Variants in FNDC10 observed in about 807,000 individuals in gnomAD.
FNDC10 encodes fibronectin type III domain containing 10.
FNDC10 carries 8 observed loss-of-function variants against 11.6 expected under a neutral mutation model. The ratio of observed to expected loss-of-function variants is 0.69; its 90% confidence interval spans 0.41 to 1.25. The LOEUF is 1.25. Ranked by LOEUF, FNDC10 falls within the 50% of genes most tolerant of loss-of-function variation. The pLI is 0.01. For missense variants in FNDC10, 308 were observed against 330.2 expected (o/e 0.93, Z 0.52); for synonymous variants, 187 against 162.9 (o/e 1.15, Z -1.12).
rs1427749673 is a variant in FNDC10 at position 1,599,717 on chromosome 1, G to C, written c.299C>G (p.Ala100Gly). Residue 100 changes from alanine to glycine, a missense_variant, in exon 1 of 1, where the codon GCG becomes GGG. Ala to Gly is a moderately conservative substitution (Grantham distance 60). Transcript: ENST00000422725. The surrounding 1 kb of genome is among the most constrained non-coding windows in gnomAD (Gnocchi z 6.7). The stretch of plus-strand genomic sequence containing the variant: ...GAGCGCGAAGGCGCGCACGCGGCGC[G>C]CGGCGGCCGGGGCCAGGCGCCACTG... ...LLQWRLAPAAARRVRAFALNC... is the reference protein window; with the variant it reads ...LLQWRLAPAAGRRVRAFALNC... The C allele has an allele frequency of 7.5e-7, 1 of 1,335,656 alleles. No individual in the cohort carries two copies. Among genetic ancestry groups the C allele is most frequent in the Non-Finnish European group, 9.5e-7 (1 of 1,051,458 alleles). 82.7% of individuals were successfully genotyped at this position (1,335,656 alleles called of 1,614,324 possible). A position where few individuals can be genotyped will look rare whatever the true frequency, so the allele number is the denominator to read the frequency against.
rs1643078582 is a variant in FNDC10 at position 1,598,966 on chromosome 1, G to T, written c.*369C>A. The T allele has an allele frequency of 7.3e-6, 2 of 272,918 alleles. No homozygotes were observed. The highest frequency in any genetic ancestry group is 1.4e-5 in the Non-Finnish European group (2 of 145,844). 16.9% of individuals were successfully genotyped at this position (272,918 alleles called of 1,614,324 possible). On this transcript the variant is annotated 3_prime_UTR_variant, in exon 1 of 1. Coordinates refer to ENST00000422725, the MANE Select transcript of FNDC10 (RefSeq NM_001242659.2). ...AGCACAGTGACCGAGCAATGGCGAC[G>T]GTCTGTCTGGGACAATTCGGCACAG...
chr1:1,599,964 A>G lies in FNDC10; in HGVS notation c.52T>C (p.Cys18Arg). 2 of 983,266 alleles carry G rather than the reference A, an allele frequency of 2.0e-6. No individual in the cohort carries two copies. The highest frequency in any genetic ancestry group is 2.4e-6 in the Non-Finnish European group (2 of 830,410). 60.9% of individuals were successfully genotyped at this position (983,266 alleles called of 1,614,324 possible). A position where few individuals can be genotyped will look rare whatever the true frequency, so the allele number is the denominator to read the frequency against. ...LLLAACAPPP[C>R]AAAAPTPPGW... ...GGCGGCGTCGGGGCGGCCGCGGCGC[A>G]GGGCGGCGGCGCGCAGGCGGCCAGC... Residue 18 changes from cysteine to arginine, a missense_variant, in exon 1 of 1, where the codon TGC becomes CGC. By Grantham distance (180) the Cys-to-Arg change is radical. Transcript: ENST00000422725. This position sits in a 1 kb window ranked among gnomAD's most constrained non-coding sequence, Gnocchi z 6.7.
chr1:1,599,656 C>A lies in FNDC10; in HGVS notation c.360G>T (p.Pro120=). Residue 120 remains proline (P), a synonymous_variant, in exon 1 of 1, where the codon CCG becomes CCT. Transcript: ENST00000422725. This position sits in a 1 kb window ranked among gnomAD's most constrained non-coding sequence, Gnocchi z 6.7. ...CSWRGAYTRF[P]CERVLLGASC... is the part of the protein sequence containing the mutation. The stretch of plus-strand genomic sequence containing the variant: ...AGGCCCCGAGGAGCACGCGCTCGCA[C>A]GGGAAGCGCGTGTAGGCGCCGCGCC... The A allele has an allele frequency of 6.8e-7, 1 of 1,461,754 alleles. No individual in the cohort carries two copies. The highest frequency in any genetic ancestry group is 9.0e-7 in the Non-Finnish European group (1 of 1,110,816). The allele number at this position is 1,461,754 out of a possible 1,614,324, so 90.5% of individuals were successfully genotyped here.
chr1:1,599,735 C>T lies in FNDC10; in HGVS notation c.281G>A (p.Arg94His), dbSNP rs1244394942. Residue 94 changes from arginine (R) to histidine (H), a missense_variant, in exon 1 of 1, where the codon CGC (arginine) becomes CAC (histidine). Coordinates refer to ENST00000422725, the MANE Select transcript of FNDC10 (RefSeq NM_001242659.2). This position sits in a 1 kb window ranked among gnomAD's most constrained non-coding sequence, Gnocchi z 6.7. ...GCGGCGCGCGGCGGCCGGGGCCAGG[C>T]GCCACTGCAGGAGGACGCTGCGGTT... Reference protein sequence around the residue: ...LRNRSVLLQWRLAPAAARRVR... With the variant: ...LRNRSVLLQWHLAPAAARRVR... The T allele has an allele frequency of 8.3e-6, 11 of 1,321,310 alleles. No homozygotes were observed. The highest frequency in any genetic ancestry group is 1.1e-5 in the Non-Finnish European group (11 of 1,043,278). The allele number at this position is 1,321,310 out of a possible 1,614,324, so 81.8% of individuals were successfully genotyped here. A position where few individuals can be genotyped will look rare whatever the true frequency, so the allele number is the denominator to read the frequency against.
In FNDC10 at chr1:1,600,098, C is replaced by A. The variant is rs1180658190; in HGVS notation, c.-83G>T. 15 of 681,948 alleles carry A rather than the reference C, an allele frequency of 2.2e-5. No individual in the cohort carries two copies. The highest frequency in any genetic ancestry group is 2.7e-5 in the Non-Finnish European group (15 of 556,226). 42.2% of individuals were successfully genotyped at this position (681,948 alleles called of 1,614,324 possible). A position where few individuals can be genotyped will look rare whatever the true frequency, so the allele number is the denominator to read the frequency against. ...CCCGCTGCCCGCTCCCCGCGATCCC[C>A]GGCGCGCCGCGCCCTCCGCCGCCGC... is the stretch of plus-strand genomic sequence containing the variant. On this transcript the variant is annotated 5_prime_UTR_variant, in exon 1 of 1. Transcript: ENST00000422725.
chr1:1,598,828 G>A lies in FNDC10; in HGVS notation c.*507C>T, dbSNP rs1643077059. Reference sequence around the variant, plus strand: ...GGCCACAGACCCCCCCTGGACAGCAGAGGGTGTTGGCTCCTGCAGTGGGCC... The same window carrying A: ...GGCCACAGACCCCCCCTGGACAGCAAAGGGTGTTGGCTCCTGCAGTGGGCC... On this transcript the variant is annotated 3_prime_UTR_variant, in exon 1 of 1. Transcript: ENST00000422725. 6.4e-6 allele frequency: 1 copy of A among 157,318 alleles called. No individual in the cohort carries two copies. The highest frequency in any genetic ancestry group is 1.9e-4 in the South Asian group (1 of 5,272). The allele number at this position is 157,318 out of a possible 1,614,324, so 9.7% of individuals were successfully genotyped here.
rs1224973635 is a variant in FNDC10 at position 1,598,084 on chromosome 1, C to G, written c.*1251G>C. On this transcript the variant is annotated 3_prime_UTR_variant, in exon 1 of 1. Coordinates refer to ENST00000422725, the MANE Select transcript of FNDC10 (RefSeq NM_001242659.2). ...CTGACCGGCGCCACGCAGGGGTGGG[C>G]GGAGCAAAGACACACAGGTGGGCTA... 2 of 152,340 alleles carry G rather than the reference C, an allele frequency of 1.3e-5. No homozygotes were observed. Among genetic ancestry groups the G allele is most frequent in the Non-Finnish European group, 2.9e-5 (2 of 68,148 alleles). The allele number at this position is 152,340 out of a possible 1,614,324, so 9.4% of individuals were successfully genotyped here.
In FNDC10 at chr1:1,599,178, G is replaced by A. The variant is rs1218239512; in HGVS notation, c.*157C>T. ...TCTGACGCCCGGCTGGAAAGGGCGT[G>A]TGATGATGCCAAAGTGCCGGAGCCG... On this transcript the variant is annotated 3_prime_UTR_variant, in exon 1 of 1. Coordinates refer to ENST00000422725, the MANE Select transcript of FNDC10 (RefSeq NM_001242659.2). This position sits in a 1 kb window ranked among gnomAD's most constrained non-coding sequence, Gnocchi z 6.7. 1 of 693,778 alleles carries A rather than the reference G, an allele frequency of 1.4e-6. No homozygotes were observed. Among genetic ancestry groups the A allele is most frequent in the African/African-American group, 1.9e-5 (1 of 53,010 alleles). The allele number at this position is 693,778 out of a possible 1,614,324, so 43.0% of individuals were successfully genotyped here.
At position 1,599,324 on chromosome 1, in the gene FNDC10, G is replaced by T; in HGVS notation, c.*11C>A. On this transcript the variant is annotated 3_prime_UTR_variant, in exon 1 of 1. Transcript: ENST00000422725. This position sits in a 1 kb window ranked among gnomAD's most constrained non-coding sequence, Gnocchi z 6.7. ...GCAGGTGGCGCAAAGATGGGCGGGC[G>T]GCCTCGCGCTTCAGGGGTGTCTGCG... is the stretch of plus-strand genomic sequence containing the variant. 6.8e-7 allele frequency: 1 copy of T among 1,471,736 alleles called. No homozygotes were observed. Among genetic ancestry groups the T allele is most frequent in the Non-Finnish European group, 8.9e-7 (1 of 1,118,144 alleles). 91.2% of individuals were successfully genotyped at this position (1,471,736 alleles called of 1,614,324 possible). A position where few individuals can be genotyped will look rare whatever the true frequency, so the allele number is the denominator to read the frequency against.
chr1:1,599,842 G>A lies in FNDC10; in HGVS notation c.174C>T (p.Pro58=). The A allele has an allele frequency of 1.8e-6, 2 of 1,084,952 alleles. No homozygotes were observed. Among genetic ancestry groups the A allele is most frequent in the South Asian group, 4.3e-5 (1 of 23,164 alleles). The allele number at this position is 1,084,952 out of a possible 1,614,324, so 67.2% of individuals were successfully genotyped here. ...AGGGRLCFRS[P]ARGFRCQAPG... is the part of the protein sequence containing the mutation. ...GAGCCTGGCAGCGGAAGCCGCGCGC[G>A]GGGCTGCGGAAGCACAGGCGCCCGC... The change falls in exon 1 of 1, where the codon CCC becomes CCT. Residue 58 remains proline, a synonymous_variant. Coordinates refer to ENST00000422725, the MANE Select transcript of FNDC10 (RefSeq NM_001242659.2). This position sits in a 1 kb window ranked among gnomAD's most constrained non-coding sequence, Gnocchi z 6.7.
At position 1,598,399 on chromosome 1, in the gene FNDC10, T is replaced by C. The variant is rs1001881160; in HGVS notation, c.*936A>G. The C allele has an allele frequency of 8.5e-5, 13 of 152,266 alleles. No individual in the cohort carries two copies. Among genetic ancestry groups the C allele is most frequent in the African/African-American group, 3.1e-4 (13 of 41,438 alleles). The allele number at this position is 152,266 out of a possible 1,614,324, so 9.4% of individuals were successfully genotyped here. On this transcript the variant is annotated 3_prime_UTR_variant, in exon 1 of 1. Coordinates refer to ENST00000422725, the MANE Select transcript of FNDC10 (RefSeq NM_001242659.2). ...TCTCGACCCCTGGGCATGCAAAGGCTAGGGGTGGTGCTGTCAGTCACACCG... is the reference window on the plus strand; with the variant it reads ...TCTCGACCCCTGGGCATGCAAAGGCCAGGGGTGGTGCTGTCAGTCACACCG...
rs1643084032 is a variant in FNDC10 at position 1,599,360 on chromosome 1, C to G, written c.656G>C (p.Arg219Pro). ...TCAGGGGTGTCTGCGCAGGCCGGGGCGCGCGAGGGCCGGGCGCATGAGGTT... is the reference window on the plus strand; with the variant it reads ...TCAGGGGTGTCTGCGCAGGCCGGGGGGCGCGAGGGCCGGGCGCATGAGGTT... ...TENLMRPALA[R>P]PGLRRHP The change falls in exon 1 of 1, where the codon CGC becomes CCC. Residue 219 changes from arginine to proline, a missense_variant. By Grantham distance (103) the Arg-to-Pro change is moderately radical (BLOSUM62 -2). Transcript: ENST00000422725. The surrounding 1 kb of genome is among the most constrained non-coding windows in gnomAD (Gnocchi z 6.7). 2.0e-6 allele frequency: 3 copies of G among 1,522,754 alleles called. No homozygotes were observed. The highest frequency in any genetic ancestry group is 2.5e-5 in the East Asian group (1 of 40,050). 94.3% of individuals were successfully genotyped at this position (1,522,754 alleles called of 1,614,324 possible).
rs866586459 is a variant in FNDC10, at chr1:1,600,134, C to T, written c.-119G>A. 27 of 340,326 alleles carry T rather than the reference C, an allele frequency of 7.9e-5. No homozygotes were observed. The South Asian group carries it at 2.8e-3, about 35-fold the overall frequency. 21.1% of individuals were successfully genotyped at this position (340,326 alleles called of 1,614,324 possible). A position where few individuals can be genotyped will look rare whatever the true frequency, so the allele number is the denominator to read the frequency against. On this transcript the variant is annotated 5_prime_UTR_variant, in exon 1 of 1. Transcript: ENST00000422725. ...GCCCTCCGCCGCCGCCCGCTCCGAC[C>T]CGCCCCCGCGCCCCGTGCGCGCTCG...
chr1:1,599,251 T>A lies in FNDC10; in HGVS notation c.*84A>T. On this transcript the variant is annotated 3_prime_UTR_variant, in exon 1 of 1. Coordinates refer to ENST00000422725, the MANE Select transcript of FNDC10 (RefSeq NM_001242659.2). This position sits in a 1 kb window ranked among gnomAD's most constrained non-coding sequence, Gnocchi z 6.7. ...GGGGATCTTAAGGAGGCAGCAGGAATGAGGAGAGGAGAGCGGGCGGAGGAC... is the reference window on the plus strand; with the variant it reads ...GGGGATCTTAAGGAGGCAGCAGGAAAGAGGAGAGGAGAGCGGGCGGAGGAC... 7.9e-7 allele frequency: 1 copy of A among 1,272,014 alleles called. No individual in the cohort carries two copies. The highest frequency in any genetic ancestry group is 1.6e-5 in the South Asian group (1 of 63,866). The allele number at this position is 1,272,014 out of a possible 1,614,324, so 78.8% of individuals were successfully genotyped here.
Position 1,599,607 on chromosome 1 carries a change from C to T in FNDC10, c.409G>A (p.Asp137Asn), listed in dbSNP as rs1225606524. Residue 137 changes from aspartate (D) to asparagine (N), a missense_variant, in exon 1 of 1, where the codon GAC becomes AAC. Transcript: ENST00000422725. The surrounding 1 kb of genome is among the most constrained non-coding windows in gnomAD (Gnocchi z 6.7). ...GASCRDYLLP[D>N]VHDSVLYRLC... ...CGGTAGAGGACGCTGTCGTGCACGT[C>T]GGGCAGCAGGTAGTCGCGGCAGGAG... 14 of 1,500,430 alleles carry T rather than the reference C, an allele frequency of 9.3e-6. No individual in the cohort carries two copies. The highest frequency in any genetic ancestry group is 9.7e-6 in the Non-Finnish European group (11 of 1,131,342). 92.9% of individuals were successfully genotyped at this position (1,500,430 alleles called of 1,614,324 possible).
At position 1,599,376 on chromosome 1, in the gene FNDC10, G is replaced by A; in HGVS notation, c.640C>T (p.Arg214Cys). ...LVAYITENLM[R>C]PALARPGLRR... ...AGGCCGGGGCGCGCGAGGGCCGGGC[G>A]CATGAGGTTCTCGGTGATGTAGGCC... Residue 214 changes from arginine to cysteine, a missense_variant, in exon 1 of 1, where the codon CGC (arginine) becomes TGC (cysteine). By Grantham distance (180) the Arg-to-Cys change is radical. Coordinates refer to ENST00000422725, the MANE Select transcript of FNDC10 (RefSeq NM_001242659.2). This position sits in a 1 kb window ranked among gnomAD's most constrained non-coding sequence, Gnocchi z 6.7. 3.9e-6 allele frequency: 6 copies of A among 1,530,500 alleles called. No individual in the cohort carries two copies. The highest frequency in any genetic ancestry group is 2.5e-5 in the East Asian group (1 of 40,614). The allele number at this position is 1,530,500 out of a possible 1,614,324, so 94.8% of individuals were successfully genotyped here. A position where few individuals can be genotyped will look rare whatever the true frequency, so the allele number is the denominator to read the frequency against.
In FNDC10 at chr1:1,599,450, G is replaced by A; in HGVS notation, c.566C>T (p.Ala189Val). ...GMQDIVVAMT[A>V]VGGSICVMLV... ...CATGACGCAGATGGAGCCGCCCACC[G>A]CCGTCATGGCCACCACGATGTCCTG... is the stretch of plus-strand genomic sequence containing the variant. Residue 189 changes from alanine to valine, a missense_variant, in exon 1 of 1, where the codon GCG (alanine) becomes GTG (valine). Transcript: ENST00000422725. This position sits in a 1 kb window ranked among gnomAD's most constrained non-coding sequence, Gnocchi z 6.7. 6.5e-7 allele frequency: 1 copy of A among 1,534,314 alleles called. No homozygotes were observed.
chr1:1,599,911 G>C lies in FNDC10; in HGVS notation c.105C>G (p.Pro35=), dbSNP rs1308745023. Residue 35 remains proline (P), a synonymous_variant, in exon 1 of 1, where the codon CCC becomes CCG. Coordinates refer to ENST00000422725, the MANE Select transcript of FNDC10 (RefSeq NM_001242659.2). This position sits in a 1 kb window ranked among gnomAD's most constrained non-coding sequence, Gnocchi z 6.7. ...PPGWEPTPDA[P]WCPYKVLPEG... is the part of the protein sequence containing the mutation. ...CGGGCAGCACCTTGTAGGGGCACCA[G>C]GGCGCGTCGGGGGTCGGCTCCCAGC... The C allele has an allele frequency of 4.1e-5, 41 of 1,003,466 alleles. No individual in the cohort carries two copies. Among genetic ancestry groups the C allele is most frequent in the Non-Finnish European group, 4.6e-5 (39 of 843,692 alleles). 62.2% of individuals were successfully genotyped at this position (1,003,466 alleles called of 1,614,324 possible). A position where few individuals can be genotyped will look rare whatever the true frequency, so the allele number is the denominator to read the frequency against.
rs1643068856 is a variant in FNDC10 at position 1,598,172 on chromosome 1, G to C, written c.*1163C>G. The C allele has an allele frequency of 6.6e-6, 1 of 152,520 alleles. No individual in the cohort carries two copies. Among genetic ancestry groups the C allele is most frequent in the South Asian group, 2.1e-4 (1 of 4,856 alleles). The allele number at this position is 152,520 out of a possible 1,614,324, so 9.4% of individuals were successfully genotyped here. On this transcript the variant is annotated 3_prime_UTR_variant, in exon 1 of 1. Transcript: ENST00000422725. ...TGGGGTGAGGATGGGTGTTTGGCCAGTGACCAGGAGTCAGGTCAAGTCCAG... is the reference window on the plus strand; with the variant it reads ...TGGGGTGAGGATGGGTGTTTGGCCACTGACCAGGAGTCAGGTCAAGTCCAG...
Sources: allele counts gnomAD v4.1 joint callset, GRCh38; gene constraint gnomAD v4.1.1; non-coding constraint Gnocchi (gnomAD v3.1); transcripts MANE v1.5; gene names NCBI Gene and HGNC (gene_info 2026-07-23, HGNC 2026-07-21).